ADAMTS12: variants seen among roughly 807,000 people sequenced by gnomAD.
The protein encoded by ADAMTS12 is ADAM metallopeptidase with thrombospondin type 1 motif 12, also known as A disintegrin and metalloproteinase with thrombospondin motifs 12.
In ADAMTS12, 118 loss-of-function variants were observed where a neutral mutation model predicts 167.8. The ratio of observed to expected loss-of-function variants is 0.70; its 90% confidence interval spans 0.61 to 0.82. The LOEUF (loss-of-function observed/expected upper bound fraction) is 0.82. Ranked by LOEUF, ADAMTS12 falls within the 40% of genes least tolerant of loss-of-function variation. The pLI is 0.00. For synonymous variants in ADAMTS12, 704 were observed against 716.9 expected (o/e 0.98, Z 0.29); for missense variants, 1,916 against 1,998.8 (o/e 0.96, Z 0.79).
chr5:33,797,925 T>C (rs1439137817), intron 2 of ADAMTS12, among the ~76,000 whole-genome samples: 1 of 152,160 alleles, frequency 6.6e-6, no homozygotes, highest in African/African-American at 2.4e-5. Flanking sequence ...AGTACTAACA[T>C]AAAAAGTGAA....
chr5:33,526,008 C>A lies in ADAMTS12; in HGVS notation c.*1180G>T, dbSNP rs1743796169. Reference sequence around the variant, plus strand: ...CTTTGGACTCCCTGATTCACCTGTTCTCCCCAAAGTAAAAGATCTTTAAGA... The same window carrying A: ...CTTTGGACTCCCTGATTCACCTGTTATCCCCAAAGTAAAAGATCTTTAAGA... On this transcript the variant is annotated 3_prime_UTR_variant, in exon 24 of 24. Coordinates refer to ENST00000504830, the MANE Select transcript of ADAMTS12 (RefSeq NM_030955.4). 6.6e-6 allele frequency: 1 copy of A among 152,194 alleles called. No homozygotes were observed. Among genetic ancestry groups the A allele is most frequent in the South Asian group, 2.1e-4 (1 of 4,834 alleles). The allele number at this position is 152,194 out of a possible 1,614,324, so 9.4% of individuals were successfully genotyped here.
At chr5:33,550,560 G>A (rs1019234321) in intron 20 of ADAMTS12, among the ~76,000 whole-genome samples, 2 of 152,082 alleles carry the variant, frequency 1.3e-5, no homozygotes, top group Admixed American at 1.3e-4. Flanking sequence ...TGTCCTGAAT[G>A]TTCCTTCCTC....
intron 2 of ADAMTS12, among the ~76,000 whole-genome samples, chr5:33,756,972 C>T (rs1191016545): frequency 6.6e-6 from 1 of 152,148 alleles, no homozygotes; most frequent in East Asian, 1.9e-4. Flanking sequence ...AACAGAGAAG[C>T]TGAATTTTTA....
At chr5:33,781,788 T>G (rs1355046449) in intron 2 of ADAMTS12, among the ~76,000 whole-genome samples, 1 of 152,118 alleles carries the variant, frequency 6.6e-6, no homozygotes, top group African/African-American at 2.4e-5. Context: ...GCTGGTGTGC[T>G]GCACCCACTA....
chr5:33,639,201 C>T (rs1740339046), intron 11 of ADAMTS12, among the ~76,000 whole-genome samples: 1 of 152,160 alleles, frequency 6.6e-6, no homozygotes, highest in Non-Finnish European at 1.5e-5. Context: ...AGATCAATAA[C>T]TGAGAGCATT....
intron 13 of ADAMTS12, 134 bp downstream of exon 13, chr5:33,630,646 C>T (rs887524757): frequency 1.1e-5 from 10 of 938,318 alleles, no homozygotes; most frequent in Non-Finnish European, 1.4e-5. Flanking sequence ...CTTATCTTTT[C>T]GTTTCATGAA....
intron 5 of ADAMTS12, among the ~76,000 whole-genome samples, chr5:33,668,640 A>C (rs576765695): frequency 4.9e-4 from 75 of 152,252 alleles, no homozygotes; most frequent in African/African-American, 1.7e-3. Flanking sequence ...GCACCACCAC[A>C]TCCGGCTACT....
intron 3 of ADAMTS12, among the ~76,000 whole-genome samples, chr5:33,747,576 G>A (rs575802237): frequency 5.8e-4 from 89 of 152,218 alleles, no homozygotes; most frequent in African/African-American, 2.1e-3. Context: ...ATGAACCTGT[G>A]TACTAGGAAA....
intron 2 of ADAMTS12, among the ~76,000 whole-genome samples, chr5:33,845,225 C>A (rs769250196): frequency 6.6e-6 from 1 of 152,210 alleles, no homozygotes; most frequent in Non-Finnish European, 1.5e-5. Flanking sequence ...GCAATGAGCA[C>A]ATTTTGTGCC....
At chr5:33,749,836 A>C (rs1579903383) in intron 3 of ADAMTS12, among the ~76,000 whole-genome samples, 1 of 152,212 alleles carries the variant, frequency 6.6e-6, no homozygotes, top group East Asian at 1.9e-4. Flanking sequence ...TTCTCAATTC[A>C]TTTGTAATTA....
chr5:33,775,846 C>G (rs970122297), intron 2 of ADAMTS12, among the ~76,000 whole-genome samples: 2 of 152,198 alleles, frequency 1.3e-5, no homozygotes, highest in African/African-American at 4.8e-5. Context: ...TAAGAAGGTA[C>G]ACCCTTTGTG....
chr5:33,624,621 C>G (rs976261859), intron 13 of ADAMTS12, among the ~76,000 whole-genome samples: 4 of 152,172 alleles, frequency 2.6e-5, no homozygotes, highest in African/African-American at 9.7e-5. Context: ...AAAATCTATG[C>G]AAATGTTCCA....
intron 3 of ADAMTS12, among the ~76,000 whole-genome samples, chr5:33,710,198 T>C (rs1313348812): frequency 6.6e-6 from 1 of 152,210 alleles, no homozygotes; most frequent in African/African-American, 2.4e-5. Context: ...TTTAGAGTTT[T>C]AAATTTGGAA....
intron 5 of ADAMTS12, among the ~76,000 whole-genome samples, chr5:33,671,434 G>A (rs956490964): frequency 5.3e-5 from 8 of 151,978 alleles, no homozygotes; most frequent in Admixed American, 2.6e-4. Flanking sequence ...ATGAATGAAG[G>A]GTAATAGGAA....
At chr5:33,571,406 A>C (rs1189718914) in intron 19 of ADAMTS12, among the ~76,000 whole-genome samples, 1 of 152,196 alleles carries the variant, frequency 6.6e-6, no homozygotes, top group Non-Finnish European at 1.5e-5. Flanking sequence ...CTCTCAGACC[A>C]CAGTGCAATC....
At chr5:33,533,462 T>G (rs1561105312) in intron 23 of ADAMTS12, among the ~76,000 whole-genome samples, 3 of 152,188 alleles carry the variant, frequency 2.0e-5, no homozygotes, top group South Asian at 4.1e-4. Context: ...AAGATTCTAA[T>G]TAGGTAGGTC....
intron 3 of ADAMTS12, among the ~76,000 whole-genome samples, chr5:33,697,297 C>T (rs911998322): frequency 2.6e-5 from 4 of 152,140 alleles, no homozygotes; most frequent in African/African-American, 7.2e-5. Context: ...GAAACAGAAT[C>T]ACACAAATGA....
At chr5:33,652,412 G>C (rs1740897038) in intron 7 of ADAMTS12, among the ~76,000 whole-genome samples, 1 of 151,824 alleles carries the variant, frequency 6.6e-6, no homozygotes, top group Admixed American at 6.6e-5. Flanking sequence ...ATGTTTATTG[G>C]CCACTTTTGT....
At chr5:33,877,164 G>A (rs543162824) in intron 2 of ADAMTS12, among the ~76,000 whole-genome samples, 1 of 152,288 alleles carries the variant, frequency 6.6e-6, no homozygotes, top group East Asian at 1.9e-4. Context: ...TTTTGATAGA[G>A]TCAAAAACTG....
Sources: allele counts gnomAD v4.1 joint callset (sites outside exome capture counted in the v4.1 genomes callset), GRCh38; gene constraint gnomAD v4.1.1; transcripts MANE v1.5; gene names NCBI Gene and HGNC (gene_info 2026-07-23, HGNC 2026-07-21).